PCDH11X: variants seen among roughly 807,000 people sequenced by gnomAD.
The protein encoded by PCDH11X is protocadherin-11 X-linked.
PCDH11X carries 18 observed loss-of-function variants against 53.3 expected under a neutral mutation model. The observed-to-expected ratio is 0.34, with a 90% CI of 0.23 to 0.50. The LOEUF is 0.50. PCDH11X is among the 20% of genes least tolerant of loss of function. The pLI is 0.98. For synonymous variants in PCDH11X, 279 were observed against 393.3 expected, an observed-to-expected ratio of 0.71 and a Z score of 3.44; for missense variants, 570 against 1,032.4, an observed-to-expected ratio of 0.55 and a Z score of 6.14.
chrX:92,279,100 C>A (rs962222886), intron 8 of PCDH11X, among the ~76,000 whole-genome samples: 2 of 111,987 alleles, frequency 1.8e-5, no homozygotes, highest in Non-Finnish European at 3.8e-5. Flanking sequence ...CGTAAGCCAC[C>A]ATGCCCAGCC....
chrX:92,547,842 T>C (rs1270388429), intron 10 of PCDH11X, among the ~76,000 whole-genome samples: 1 of 110,245 alleles, frequency 9.1e-6, no homozygotes, highest in African/African-American at 3.3e-5. Context: ...GCGATTCTTC[T>C]GCTTCAGCTT....
In PCDH11X at chrX:92,058,145, A is replaced by G. The variant is rs1199499821; in HGVS notation, c.3034-143230A>G. On this transcript the variant is annotated intron_variant, in intron 6 of 10. Coordinates refer to ENST00000682573, the MANE Select transcript of PCDH11X (RefSeq NM_032968.5). ...GCTGGATATATTAAAATTATCTAAG[A>G]TATCTACCTTTCTGTTTTTATTAGT... Among the ~76,000 whole-genome samples, 5 of 106,295 alleles carry G rather than the reference A, an allele frequency of 4.7e-5. No individual in the cohort carries two copies. In the Admixed American group the frequency reaches 5.2e-4, roughly 11 times the overall value. The allele number at this position is 106,295 out of a possible 115,157, so 92.3% of individuals were successfully genotyped here.
At chrX:92,106,108 C>T (rs983450522) in intron 6 of PCDH11X, among the ~76,000 whole-genome samples, 1 of 110,149 alleles carries the variant, frequency 9.1e-6, no homozygotes, top group Non-Finnish European at 1.9e-5. Flanking sequence ...AAAAATCTTT[C>T]ACACATATCA....
chrX:91,888,580 C>T (rs1940339216), intron 6 of PCDH11X, among the ~76,000 whole-genome samples: 1 of 109,567 alleles, frequency 9.1e-6, no homozygotes, highest in Non-Finnish European at 1.9e-5. Context: ...TCTTGAGTGG[C>T]GGGGGTTGTG....
chrX:92,165,918 T>TA (rs746136909), intron 6 of PCDH11X, among the ~76,000 whole-genome samples: 63 of 111,148 alleles, frequency 5.7e-4, no homozygotes, highest in Non-Finnish European at 1.1e-3. Context: ...GGAATTTGGC[T>TA]AAAAAAGTGA....
chrX:92,228,964 CAA>C (rs1297816609), intron 7 of PCDH11X, among the ~76,000 whole-genome samples: 1 of 111,373 alleles, frequency 9.0e-6, no homozygotes, highest in East Asian at 2.8e-4. Flanking sequence ...CAAAGATACT[CAA>C]AGAGTATTTC....
intron 5 of PCDH11X, among the ~76,000 whole-genome samples, chrX:91,840,160 A>G (rs1233293046): frequency 1.8e-5 from 2 of 111,269 alleles, no homozygotes; most frequent in African/African-American, 6.5e-5. Context: ...TTCTTTTCTC[A>G]TGGTAGGAAC....
intron 6 of PCDH11X, among the ~76,000 whole-genome samples, chrX:92,080,694 G>A: frequency 9.2e-6 from 1 of 109,045 alleles, no homozygotes; most frequent in Non-Finnish European, 1.9e-5. Flanking sequence ...AATGATACAA[G>A]TTTTTTCAAT....
intron 6 of PCDH11X, among the ~76,000 whole-genome samples, chrX:91,966,796 T>C (rs1384099581): frequency 9.0e-6 from 1 of 111,302 alleles, no homozygotes. Flanking sequence ...TGAAAGGGAA[T>C]TAATTTTATT....
At position 92,318,474 on chromosome X, in the gene PCDH11X, CT is replaced by C. The variant is rs958820499; in HGVS notation, c.3144+55340del. On this transcript the variant is annotated intron_variant, in intron 8 of 10. Transcript: ENST00000682573. Reference sequence around the variant, plus strand: ...CTGTGATTGCACAGCAAAGCTCAGACTTTTTTTTTGAAATACAGATACTGGG... The same window carrying C: ...CTGTGATTGCACAGCAAAGCTCAGACTTTTTTTTGAAATACAGATACTGGG... 1.0e-4 allele frequency among the ~76,000 whole-genome samples: 11 copies of C among 109,892 alleles called. No individual in the cohort carries two copies. In the South Asian group the frequency reaches 1.6e-3, roughly 15 times the overall value.
chrX:92,187,676 GT>G (rs1483433914), intron 6 of PCDH11X, among the ~76,000 whole-genome samples: 2 of 111,518 alleles, frequency 1.8e-5, no homozygotes, highest in Non-Finnish European at 3.8e-5. Context: ...GATGGTTGAG[GT>G]TTTCGTTTAA....
At chrX:92,298,861 A>G (rs2068663161) in intron 8 of PCDH11X, among the ~76,000 whole-genome samples, 1 of 111,696 alleles carries the variant, frequency 9.0e-6, no homozygotes, top group Admixed American at 9.5e-5. Context: ...CCAACTCAAA[A>G]TTACAGTCTT....
In PCDH11X at chrX:92,387,044, A is replaced by G. The variant is rs762633697; in HGVS notation, c.3145-691A>G. Among the ~76,000 whole-genome samples, 3 of 102,879 alleles carry G rather than the reference A, an allele frequency of 2.9e-5. No individual in the cohort carries two copies. The East Asian group carries it at 8.9e-4, about 30-fold the overall frequency. The allele number at this position is 102,879 out of a possible 115,157, so 89.3% of individuals were successfully genotyped here. On this transcript the variant is annotated intron_variant, in intron 8 of 10. Coordinates refer to ENST00000682573, the MANE Select transcript of PCDH11X (RefSeq NM_032968.5). The stretch of plus-strand genomic sequence containing the variant: ...ATGTTACAAACTTCTTCTTTCGGAA[A>G]CCAAATGCTTCATCTTTATCTTTTT...
intron 10 of PCDH11X, among the ~76,000 whole-genome samples, chrX:92,498,422 C>T (rs1451186937): frequency 1.8e-5 from 2 of 110,853 alleles, no homozygotes; most frequent in East Asian, 5.7e-4. Flanking sequence ...ACAAAATGTG[C>T]TGGAGTATCC....
At chrX:92,354,822 A>C in intron 8 of PCDH11X, among the ~76,000 whole-genome samples, 1 of 111,810 alleles carries the variant, frequency 8.9e-6, no homozygotes, top group East Asian at 2.9e-4. Context: ...GGTACTCAGT[A>C]AAAGAGAGAA....
rs767822249 is a variant in PCDH11X, at chrX:91,991,352, CTTTTTTT to C, written c.3033+112090_3033+112096del. 3.6e-5 allele frequency among the ~76,000 whole-genome samples: 2 copies of C among 55,019 alleles called. 1 individual carries two copies. The highest frequency in any genetic ancestry group is 1.7e-4 in the African/African-American group (2 of 11,904). The allele number at this position is 55,019 out of a possible 115,157, so 47.8% of individuals were successfully genotyped here. ...GAGAACAGGCTTTTGTTAAGACTTT[CTTTTTTT>C]TTTTTTTTTTGGTCTGTTGGTGCTT... On this transcript the variant is annotated intron_variant, in intron 6 of 10. Coordinates refer to ENST00000682573, the MANE Select transcript of PCDH11X (RefSeq NM_032968.5).
intron 6 of PCDH11X, among the ~76,000 whole-genome samples, chrX:92,093,344 C>T (rs1363470376): frequency 9.0e-6 from 1 of 111,070 alleles, no homozygotes; most frequent in Admixed American, 9.7e-5. Flanking sequence ...TTGCTTTTCC[C>T]TTTTAGCATA....
chrX:92,053,081 A>G (rs1439347737), intron 6 of PCDH11X, among the ~76,000 whole-genome samples: 7 of 111,966 alleles, frequency 6.3e-5, no homozygotes. Flanking sequence ...CATGTATTCT[A>G]ATGTTAATTA....
At chrX:92,160,873 G>A (rs6562597) in intron 6 of PCDH11X, among the ~76,000 whole-genome samples, 223 of 110,354 alleles carry the variant, frequency 2.0e-3, no homozygotes, top group African/African-American at 7.2e-3. Context: ...CATTCTTGCG[G>A]GAGTAAGGTC....
Sources: allele counts gnomAD v4.1 joint callset (sites outside exome capture counted in the v4.1 genomes callset), GRCh38; gene constraint gnomAD v4.1.1; transcripts MANE v1.5; gene names NCBI Gene and HGNC (gene_info 2026-07-23, HGNC 2026-07-21).